NPL: variants seen among roughly 807,000 people sequenced by gnomAD.
The protein encoded by NPL is N-acetylneuraminate pyruvate lyase.
Under a neutral mutation model 41.1 loss-of-function variants are expected in NPL, and 32 were observed. That is an observed-to-expected ratio of 0.78 (90% CI 0.59 to 1.05). The LOEUF is 1.05. Among genes scored for constraint, NPL ranks in the 50% least tolerant of loss-of-function variants. NPL has a pLI of 0.00. For missense variants in NPL, 321 were observed against 378.4 expected, an observed-to-expected ratio of 0.85 and a Z score of 1.26; for synonymous variants, 128 against 134.9, an observed-to-expected ratio of 0.95 and a Z score of 0.35.
At position 182,804,056 on chromosome 1, in the gene NPL, A is replaced by G. The variant is rs184907577; in HGVS notation, c.142+285A>G. On this transcript the variant is annotated intron_variant, in intron 4 of 12. Coordinates refer to ENST00000367553, the MANE Select transcript of NPL (RefSeq NM_030769.3). ...ACTCAGATATACTCTAGGTTGCCCC[A>G]GGCCATTCAGCCAAGAAGTGGTAGA... Among the ~76,000 whole-genome samples the G allele has an allele frequency of 2.4e-4, 36 of 152,324 alleles. 1 individual carries two copies.
chr1:182,820,986 C>T (rs1405927072), intron 10 of NPL, among the ~76,000 whole-genome samples: 1 of 152,202 alleles, frequency 6.6e-6, no homozygotes, highest in Non-Finnish European at 1.5e-5. Context: ...AAGCAAAGTA[C>T]ATTTGGTTAG....
rs772151386 is a variant in NPL, at chr1:182,814,881, A to G, written c.364+23A>G. 17 of 1,581,774 alleles carry G rather than the reference A, an allele frequency of 1.1e-5. No homozygotes were observed. The East Asian group carries it at 2.5e-4, about 23-fold the overall frequency. ...AAGGTAAGTAGATAGGTCTGAATGC[A>G]TGGCATCTCACATGGTCCACTTCTT... On this transcript the variant is annotated intron_variant, in intron 7 of 12. Coordinates refer to ENST00000367553, the MANE Select transcript of NPL (RefSeq NM_030769.3).
rs1227100958 is a variant in NPL, at chr1:182,829,712, T to C, written c.*804T>C. 1 of 1,347,076 alleles carries C rather than the reference T, an allele frequency of 7.4e-7. No individual in the cohort carries two copies. The highest frequency in any genetic ancestry group is 1.0e-6 in the Non-Finnish European group (1 of 962,378). 83.4% of individuals were successfully genotyped at this position (1,347,076 alleles called of 1,614,324 possible). A position where few individuals can be genotyped will look rare whatever the true frequency, so the allele number is the denominator to read the frequency against. On this transcript the variant is annotated 3_prime_UTR_variant, in exon 13 of 13. Transcript: ENST00000367553. ...GTCTCTCCCGCAGGACCCTGAATTA[T>C]TGAAATCGAAGGCTGACTTCCTTTC...
intron 3 of NPL, among the ~76,000 whole-genome samples, chr1:182,801,984 A>C (rs1300476884): frequency 1.3e-5 from 2 of 152,226 alleles, no homozygotes; most frequent in East Asian, 3.8e-4. Flanking sequence ...CATAACCTTC[A>C]TTATATTTTG....
intron 11 of NPL, among the ~76,000 whole-genome samples, chr1:182,823,411 A>G (rs1477507234): frequency 6.6e-6 from 1 of 152,230 alleles, no homozygotes; most frequent in African/African-American, 2.4e-5. Flanking sequence ...GTAGGCCTCA[A>G]AGTTGAGCCA....
Position 182,816,764 on chromosome 1 carries a change from C to T in NPL, c.415C>T (p.Pro139Ser). ...AGTGGCTGCTGCCGCCCCTGCCCTG[C>T]CATTTTATTACTATCACATTCCTGC... ...KEVAAAAPAL[P>S]FYYYHIPALT... The change falls in exon 8 of 13, where the codon CCA (proline) becomes TCA (serine). Residue 139 changes from proline to serine, a missense_variant. Transcript: ENST00000367553. 3 of 1,613,700 alleles carry T rather than the reference C, an allele frequency of 1.9e-6. No individual in the cohort carries two copies. The highest frequency in any genetic ancestry group is 2.5e-6 in the Non-Finnish European group (3 of 1,179,772).
At chr1:182,819,408 T>C (rs1667427050) in intron 10 of NPL, among the ~76,000 whole-genome samples, 1 of 151,002 alleles carries the variant, frequency 6.6e-6, no homozygotes, top group Non-Finnish European at 1.5e-5. Context: ...ATCGCACCAC[T>C]GCACTCTAGC....
intron 5 of NPL, among the ~76,000 whole-genome samples, chr1:182,809,509 T>C (rs372683451): frequency 4.0e-5 from 6 of 148,778 alleles, no homozygotes; most frequent in Admixed American, 1.3e-4. Flanking sequence ...CACTGCACTC[T>C]AGCCTGGGCG....
chr1:182,815,368 A>G (rs961381083), intron 7 of NPL, among the ~76,000 whole-genome samples: 1 of 152,236 alleles, frequency 6.6e-6, no homozygotes, highest in African/African-American at 2.4e-5. Flanking sequence ...GTCTAAGTAT[A>G]CCAAGTCTTT....
At position 182,828,953 on chromosome 1, in the gene NPL, C is replaced by T. The variant is rs1242150410; in HGVS notation, c.*45C>T. The T allele has an allele frequency of 1.2e-6, 2 of 1,610,920 alleles. No individual in the cohort carries two copies. The highest frequency in any genetic ancestry group is 1.3e-5 in the African/African-American group (1 of 74,832). On this transcript the variant is annotated 3_prime_UTR_variant, in exon 13 of 13. Transcript: ENST00000367553. The surrounding 1 kb of genome is among the most constrained non-coding windows in gnomAD (Gnocchi z 4.0). ...GGTTTGCACCTTGAGACATAATCTA[C>T]CTTAAATAGTGCATTTTTTTCTCAG...
At chr1:182,815,192 T>C (rs1667289553) in intron 7 of NPL, among the ~76,000 whole-genome samples, 1 of 152,226 alleles carries the variant, frequency 6.6e-6, no homozygotes, top group African/African-American at 2.4e-5. Context: ...GGACCATTTT[T>C]CTTAGAAGAA....
chr1:182,800,768 C>T (rs1666824103), intron 3 of NPL, among the ~76,000 whole-genome samples: 1 of 133,366 alleles, frequency 7.5e-6, no homozygotes. Flanking sequence ...CTCGCTCTGT[C>T]ACCCAGGCTG....
chr1:182,806,744 G>A (rs1667022315), intron 5 of NPL, among the ~76,000 whole-genome samples: 1 of 152,180 alleles, frequency 6.6e-6, no homozygotes, highest in African/African-American at 2.4e-5. Flanking sequence ...TCCATGCAGT[G>A]ATAAATTTTT....
Position 182,828,576 on chromosome 1 carries a change from T to TG in NPL, c.779-147dup. 1 of 989,108 alleles carries TG rather than the reference T, an allele frequency of 1.0e-6. No individual in the cohort carries two copies. Among genetic ancestry groups the TG allele is most frequent in the Non-Finnish European group, 1.5e-6 (1 of 654,632 alleles). 61.3% of individuals were successfully genotyped at this position (989,108 alleles called of 1,614,324 possible). ...GAGGGATTTCGAATGATTGCTCATC[T>TG]GTCATATTGACTAGAAATGTTCCCA... On this transcript the variant is annotated intron_variant, in intron 12 of 12. Coordinates refer to ENST00000367553, the MANE Select transcript of NPL (RefSeq NM_030769.3). The surrounding 1 kb of genome is among the most constrained non-coding windows in gnomAD (Gnocchi z 4.0).
intron 3 of NPL, among the ~76,000 whole-genome samples, chr1:182,802,803 A>C (rs555977024): frequency 2.0e-5 from 3 of 152,350 alleles, no homozygotes; most frequent in African/African-American, 7.2e-5. Context: ...CTTAAGCATC[A>C]GATCCTTACA....
At chr1:182,818,728 C>T (rs767723568) in intron 9 of NPL, 39 bp downstream of exon 9, 2 of 1,614,096 alleles carry the variant, frequency 1.2e-6, no homozygotes, top group Admixed American at 3.3e-5. Flanking sequence ...GGTCAGTTCC[C>T]TCCAAAACAA....
At chr1:182,825,000 A>G (rs915846203) in intron 11 of NPL, among the ~76,000 whole-genome samples, 5 of 152,242 alleles carry the variant, frequency 3.3e-5, no homozygotes, top group African/African-American at 9.6e-5. Flanking sequence ...ATTTTGTTAT[A>G]GCAGTGTCAC....
chr1:182,803,351 C>G (rs1666908217), intron 3 of NPL, among the ~76,000 whole-genome samples: 1 of 152,190 alleles, frequency 6.6e-6, no homozygotes, highest in Admixed American at 6.5e-5. Flanking sequence ...CCTAAAAGGG[C>G]AAAAGATGTG....
intron 4 of NPL, 86 bp from the exon 5 acceptor site, chr1:182,806,059 T>C (rs1314704511): frequency 1.7e-5 from 25 of 1,472,118 alleles, no homozygotes; most frequent in Non-Finnish European, 2.3e-5. Flanking sequence ...CTCAGTGCAG[T>C]GGTTTCTGAC....
Sources: allele counts gnomAD v4.1 joint callset (sites outside exome capture counted in the v4.1 genomes callset), GRCh38; gene constraint gnomAD v4.1.1; non-coding constraint Gnocchi (gnomAD v3.1); transcripts MANE v1.5; gene names NCBI Gene and HGNC (gene_info 2026-07-23, HGNC 2026-07-21).